The following EVI5 variants were observed in gnomAD, a reference collection of about 807,000 sequenced individuals.
EVI5 encodes the protein ecotropic viral integration site 5.
A neutral mutation model predicts 112.0 loss-of-function variants in EVI5; 73 were observed. The observed-to-expected ratio is 0.65, with a 90% confidence interval of 0.54 to 0.79. The LOEUF is 0.79. Ranked by LOEUF, EVI5 falls within the 30% of genes least tolerant of loss-of-function variation. The pLI is 0.00. For missense variants in EVI5, 900 were observed against 968.8 expected, an observed-to-expected ratio of 0.93 and a Z score of 0.94; for synonymous variants, 305 against 319.9, an observed-to-expected ratio of 0.95 and a Z score of 0.50.
At chr1:92,565,597 G>A (rs1057324470) in intron 18 of EVI5, among the ~76,000 whole-genome samples, 3 of 152,114 alleles carry the variant, frequency 2.0e-5, no homozygotes, top group Non-Finnish European at 4.4e-5. Flanking sequence ...TTAGTCCTCT[G>A]ACTGGTCAAC....
intron 1 of EVI5, among the ~76,000 whole-genome samples, chr1:92,776,352 T>C (rs1272658071): frequency 6.6e-6 from 1 of 152,062 alleles, no homozygotes. Flanking sequence ...AAGAGCAACA[T>C]TTGGGAAGCT....
At chr1:92,645,972 A>G (rs1031615588) in intron 13 of EVI5, among the ~76,000 whole-genome samples, 4 of 152,062 alleles carry the variant, frequency 2.6e-5, no homozygotes, top group Non-Finnish European at 5.9e-5. Flanking sequence ...GCCCTGAGTG[A>G]ATCTCCTAAT....
At chr1:92,748,047 T>C (rs1205060788) in intron 1 of EVI5, among the ~76,000 whole-genome samples, 1 of 152,200 alleles carries the variant, frequency 6.6e-6, no homozygotes, top group Non-Finnish European at 1.5e-5. Flanking sequence ...CTGTGATAGC[T>C]GGACTTCAAC....
At chr1:92,739,459 A>C (rs933585216) in intron 1 of EVI5, among the ~76,000 whole-genome samples, 1 of 152,112 alleles carries the variant, frequency 6.6e-6, no homozygotes, top group East Asian at 1.9e-4. Flanking sequence ...GAAAATGACT[A>C]CTAATGGGTA....
chr1:92,561,355 A>G (rs1668502467), intron 19 of EVI5, among the ~76,000 whole-genome samples: 1 of 152,076 alleles, frequency 6.6e-6, no homozygotes, highest in Admixed American at 6.6e-5. Flanking sequence ...CTTTCTTTTC[A>G]AAAAGATGCA....
In EVI5 at chr1:92,547,128, T is replaced by C. The variant is rs564728784; in HGVS notation, c.2166+16514A>G. Among the ~76,000 whole-genome samples, 145 of 152,196 alleles carry C rather than the reference T, an allele frequency of 9.5e-4. 1 individual carries two copies. Among genetic ancestry groups the C allele is most frequent in the South Asian group, 1.5e-3 (7 of 4,806 alleles). Reference sequence around the variant, plus strand: ...GCACTCCTCAGCAAATGTAAAAGAATAGAAATTATAACAAACTGTGTCTCA... The same window carrying C: ...GCACTCCTCAGCAAATGTAAAAGAACAGAAATTATAACAAACTGTGTCTCA... On this transcript the variant is annotated intron_variant, in intron 19 of 19. Transcript: ENST00000684568.
chr1:92,643,446 AT>A (rs1313504722), intron 13 of EVI5, among the ~76,000 whole-genome samples: 1 of 151,388 alleles, frequency 6.6e-6, no homozygotes. Flanking sequence ...TGCTTGGCTA[AT>A]TTTTTTTATT....
At chr1:92,519,011 T>A (rs933217382) in intron 19 of EVI5, among the ~76,000 whole-genome samples, 3 of 152,192 alleles carry the variant, frequency 2.0e-5, no homozygotes, top group Non-Finnish European at 4.4e-5. Flanking sequence ...AATGTGAGGC[T>A]AAGTAAGAGT....
At chr1:92,697,636 T>C (rs1237870427) in intron 6 of EVI5, among the ~76,000 whole-genome samples, 1 of 152,124 alleles carries the variant, frequency 6.6e-6, no homozygotes, top group Non-Finnish European at 1.5e-5. Context: ...GCAGAAATGC[T>C]TAAGGATTGA....
intron 1 of EVI5, among the ~76,000 whole-genome samples, chr1:92,771,627 G>C (rs1468642368): frequency 2.0e-5 from 3 of 148,662 alleles, no homozygotes; most frequent in Admixed American, 1.3e-4. Flanking sequence ...TTTTTTTTGA[G>C]ACGGAGTCTC....
chr1:92,523,100 A>G (rs1047779059), intron 19 of EVI5, among the ~76,000 whole-genome samples: 19 of 152,164 alleles, frequency 1.2e-4, no homozygotes, highest in African/African-American at 3.4e-4. Context: ...TATGCTCCCT[A>G]GGCTGGTCTT....
At chr1:92,732,898 C>CAAAAAAAAAAA (rs3042602) in intron 2 of EVI5, among the ~76,000 whole-genome samples, 1 of 89,080 alleles carries the variant, frequency 1.1e-5, no homozygotes, top group Non-Finnish European at 2.2e-5. Context: ...GACTCCATCT[C>CAAAAAAAAAAA]AAAAAAAAAA....
At chr1:92,551,043 T>TC (rs1553178847) in intron 19 of EVI5, among the ~76,000 whole-genome samples, 3 of 86,244 alleles carry the variant, frequency 3.5e-5, no homozygotes, top group African/African-American at 1.2e-4. Flanking sequence ...TTTCTTTCTT[T>TC]TTTTTTTTTT....
rs544367909 is a variant in EVI5, at chr1:92,631,066, T to C, written c.1528-5132A>G. 4.5e-3 allele frequency among the ~76,000 whole-genome samples: 682 copies of C among 152,324 alleles called. 3 individuals are homozygous for C. The highest frequency in any genetic ancestry group is 0.017 in the Middle Eastern group (5 of 294). Reference sequence around the variant, plus strand: ...CTCTGTTTTGGTACCAGTACCATGCTGTTTTGGTTACTGTAGCCTTGTAGT... The same window carrying C: ...CTCTGTTTTGGTACCAGTACCATGCCGTTTTGGTTACTGTAGCCTTGTAGT... On this transcript the variant is annotated intron_variant, in intron 14 of 19. Coordinates refer to ENST00000684568, the MANE Select transcript of EVI5 (RefSeq NM_001350197.2).
At chr1:92,724,277 T>G (rs1675214705) in intron 2 of EVI5, among the ~76,000 whole-genome samples, 1 of 152,140 alleles carries the variant, frequency 6.6e-6, no homozygotes, top group South Asian at 2.1e-4. Flanking sequence ...AATTTATCTC[T>G]TTGTACTCTT....
chr1:92,691,942 G>A (rs912764534), intron 9 of EVI5, among the ~76,000 whole-genome samples: 1 of 152,160 alleles, frequency 6.6e-6, no homozygotes, highest in African/African-American at 2.4e-5. Context: ...AGTAACCACT[G>A]TGAGGAATGA....
At chr1:92,675,222 T>C (rs1475234703) in intron 10 of EVI5, among the ~76,000 whole-genome samples, 2 of 152,090 alleles carry the variant, frequency 1.3e-5, no homozygotes, top group Non-Finnish European at 2.9e-5. Context: ...TGTGCACCTG[T>C]AGTCCCAGCT....
chr1:92,532,615 C>T (rs1663067802), intron 19 of EVI5, among the ~76,000 whole-genome samples: 1 of 152,216 alleles, frequency 6.6e-6, no homozygotes, highest in Non-Finnish European at 1.5e-5. Context: ...CAAATTAGAA[C>T]TCAGGATTCA....
intron 18 of EVI5, among the ~76,000 whole-genome samples, chr1:92,585,614 G>A (rs2101142158): frequency 6.6e-6 from 1 of 151,974 alleles, no homozygotes; most frequent in Admixed American, 6.6e-5. Context: ...AATTCCAATG[G>A]CTCCTAAAAA....
Sources: allele counts gnomAD v4.1 joint callset (sites outside exome capture counted in the v4.1 genomes callset), GRCh38; gene constraint gnomAD v4.1.1; transcripts MANE v1.5; gene names NCBI Gene and HGNC (gene_info 2026-07-23, HGNC 2026-07-21).